The following JMJD1C variants were observed in gnomAD, a reference collection of about 807,000 sequenced individuals.
JMJD1C encodes jumonji domain containing 1C.
Under a neutral mutation model 245.3 loss-of-function variants are expected in JMJD1C, and 31 were observed. The observed-to-expected ratio is 0.13, with a 90% confidence interval of 0.09 to 0.17. The LOEUF is 0.17. Among genes scored for constraint, JMJD1C ranks in the 10% least tolerant of loss-of-function variants. The pLI, the probability that JMJD1C is intolerant of heterozygous loss-of-function variation, is 1.00. For missense variants in JMJD1C, 2,691 were observed against 3,000.2 expected, an observed-to-expected ratio of 0.90 and a Z score of 2.41; for synonymous variants, 1,057 against 1,017.4, an observed-to-expected ratio of 1.04 and a Z score of -0.74.
chr10:63,296,003 G>GTGTA (rs1285499198), intron 2 of JMJD1C, among the ~76,000 whole-genome samples: 6 of 95,726 alleles, frequency 6.3e-5, no homozygotes, highest in African/African-American at 1.6e-4. Context: ...GTGTGTGTGT[G>GTGTA]TATATATATA....
chr10:63,274,188 T>G (rs560470643), intron 2 of JMJD1C, among the ~76,000 whole-genome samples: 1 of 152,328 alleles, frequency 6.6e-6, no homozygotes, highest in Non-Finnish European at 1.5e-5. Flanking sequence ...CATTAAAGTA[T>G]TTTTCAATAA....
At chr10:63,314,955 T>TG (rs1554884185) in intron 2 of JMJD1C, among the ~76,000 whole-genome samples, 4 of 103,808 alleles carry the variant, frequency 3.9e-5, no homozygotes. Flanking sequence ...CAGCCTTTTT[T>TG]GTTTTTTTTT....
At chr10:63,511,033 C>T (rs1954857460) in intron 1 of JMJD1C, among the ~76,000 whole-genome samples, 1 of 152,216 alleles carries the variant, frequency 6.6e-6, no homozygotes, top group Admixed American at 6.5e-5. Context: ...ATATATCTTT[C>T]TCCATTCCTT....
chr10:63,468,463 T>A (rs540269216), upstream of JMJD1C, among the ~76,000 whole-genome samples: 152 of 152,282 alleles, frequency 1.0e-3, 1 homozygote, highest in African/African-American at 3.5e-3. Flanking sequence ...ATTTAAAAAA[T>A]TTTTCAAGTT....
At chr10:63,219,798 A>C in intron 4 of JMJD1C, 80 bp downstream of exon 4, 1 of 909,806 alleles carries the variant, frequency 1.1e-6, no homozygotes, top group Non-Finnish European at 1.8e-6. Flanking sequence ...TTTATATTGC[A>C]CACAATTGAA....
intron 1 of JMJD1C, 42 bp downstream of exon 1, chr10:63,465,453 T>G (rs548249778): frequency 2.6e-6 from 4 of 1,535,402 alleles, no homozygotes; most frequent in African/African-American, 2.7e-5. Context: ...GAGAGCCGGG[T>G]GCGGGCGCGG....
chr10:63,256,899 T>C (rs150709906), intron 3 of JMJD1C, among the ~76,000 whole-genome samples: 54 of 152,308 alleles, frequency 3.5e-4, no homozygotes, highest in Non-Finnish European at 6.2e-4. Flanking sequence ...TAACTGGGAA[T>C]GTGTTCGACG....
intron 1 of JMJD1C, among the ~76,000 whole-genome samples, chr10:63,403,868 G>A (rs1187786331): frequency 6.6e-6 from 1 of 152,060 alleles, no homozygotes; most frequent in Non-Finnish European, 1.5e-5. Context: ...CCTAGGAGGC[G>A]GAGGTTGCAG....
At chr10:63,447,167 AC>A (rs1951769946) in intron 1 of JMJD1C, among the ~76,000 whole-genome samples, 1 of 152,140 alleles carries the variant, frequency 6.6e-6, no homozygotes, top group African/African-American at 2.4e-5. Context: ...GTTAATAGTC[AC>A]ATTTTTATCA....
intron 2 of JMJD1C, among the ~76,000 whole-genome samples, chr10:63,282,377 A>G (rs1857515541): frequency 6.6e-6 from 1 of 152,232 alleles, no homozygotes; most frequent in African/African-American, 2.4e-5. Flanking sequence ...AAAACATGGT[A>G]AAGTAATAAC....
intron 1 of JMJD1C, among the ~76,000 whole-genome samples, chr10:63,459,077 T>C (rs955884852): frequency 1.3e-5 from 2 of 152,312 alleles, no homozygotes; most frequent in African/African-American, 2.4e-5. Flanking sequence ...CCTTACGTTA[T>C]GGTAGTTAAC....
At chr10:63,351,280 T>C (rs936231433) in intron 2 of JMJD1C, among the ~76,000 whole-genome samples, 6 of 151,662 alleles carry the variant, frequency 4.0e-5, no homozygotes, top group Non-Finnish European at 8.8e-5. Flanking sequence ...TATTTGGTAT[T>C]ATTCACAATG....
Position 63,465,635 on chromosome 10 carries a change from C to G in JMJD1C, c.28G>C (p.Val10Leu). The stretch of plus-strand genomic sequence containing the variant: ...GCCACACACAGGAACCGCTTACCCA[C>G]CAGCTCTGCCCGCGTCTCTACCGCC... MAVETRAEL[V>L]GKRFLCVAVG... Residue 10 changes from valine to leucine, a missense_variant, in exon 1 of 26, where the codon GTG becomes CTG. Physicochemically the swap from Val to Leu is conservative, Grantham distance 32. Around this residue, in one of 9 missense-constraint regions of JMJD1C, gnomAD observed 135 missense variants for 115.5 expected, o/e 1.17. Coordinates refer to ENST00000399262, the MANE Select transcript of JMJD1C (RefSeq NM_032776.3). 1.9e-6 allele frequency: 3 copies of G among 1,609,872 alleles called. No individual in the cohort carries two copies. The highest frequency in any genetic ancestry group is 2.5e-6 in the Non-Finnish European group (3 of 1,179,896).
intron 2 of JMJD1C, among the ~76,000 whole-genome samples, chr10:63,374,359 C>T (rs1028849052): frequency 9.9e-5 from 15 of 152,278 alleles, no homozygotes; most frequent in Admixed American, 9.8e-4. Context: ...AATGCTGCAT[C>T]CCCTTAGGAT....
rs888734909 is a variant in JMJD1C, at chr10:63,420,791, C to G, written c.169-40309G>C. Among the ~76,000 whole-genome samples the G allele has an allele frequency of 3.4e-5, 5 of 147,406 alleles. No individual in the cohort carries two copies. The East Asian group carries it at 9.9e-4, about 29-fold the overall frequency. On this transcript the variant is annotated intron_variant, in intron 1 of 25. Coordinates refer to ENST00000399262, the MANE Select transcript of JMJD1C (RefSeq NM_032776.3). ...ACACCTGACAAAATTAGAAAGAGAA[C>G]TGCAAAACAGACAAACTCTAAGAAA...
rs757185251 is a variant in JMJD1C at position 63,264,693 on chromosome 10, T to C, written c.405A>G (p.Gln135=). Residue 135 remains glutamine, a synonymous_variant, in exon 3 of 26, where the codon CAA becomes CAG. Transcript: ENST00000399262. Reference sequence around the variant, plus strand: ...CACTATCTTCAGTTAAAAAATCCAGTTGCTTATCTACAAGGAATTCTACTG... The same window carrying C: ...CACTATCTTCAGTTAAAAAATCCAGCTGCTTATCTACAAGGAATTCTACTG... ...VTAVEFLVDK[Q]LDFLTEDSAF... is the part of the protein sequence containing the mutation. The C allele has an allele frequency of 5.0e-6, 8 of 1,595,226 alleles. No homozygotes were observed. Among genetic ancestry groups the C allele is most frequent in the Non-Finnish European group, 6.8e-6 (8 of 1,169,296 alleles).
intron 3 of JMJD1C, chr10:63,222,449 C>G (rs1256954523): frequency 2.1e-6 from 2 of 951,986 alleles, no homozygotes; most frequent in Non-Finnish European, 3.5e-6. Context: ...GTTGCTAAAT[C>G]TTGATGAAAA....
At chr10:63,245,390 T>C (rs904173092) in intron 3 of JMJD1C, among the ~76,000 whole-genome samples, 1 of 150,064 alleles carries the variant, frequency 6.7e-6, no homozygotes, top group Non-Finnish European at 1.5e-5. Flanking sequence ...TAGGGAGGCC[T>C]CACAATTATG....
chr10:63,225,427 A>C (rs1158237818), intron 3 of JMJD1C, among the ~76,000 whole-genome samples: 4 of 152,188 alleles, frequency 2.6e-5, no homozygotes, highest in Admixed American at 2.0e-4. Context: ...CTCCTCTTGC[A>C]AAGATAGACA....
Sources: allele counts gnomAD v4.1 joint callset (sites outside exome capture counted in the v4.1 genomes callset), GRCh38; gene constraint gnomAD v4.1.1; regional missense constraint gnomAD v4.1.1; transcripts MANE v1.5; gene names NCBI Gene and HGNC (gene_info 2026-07-23, HGNC 2026-07-21).